The following MAP3K4 variants were observed in gnomAD, a reference collection of about 807,000 sequenced individuals.
MAP3K4 encodes mitogen-activated protein kinase kinase kinase 4.
MAP3K4 carries 67 observed loss-of-function variants against 185.6 expected under a neutral mutation model. The observed-to-expected ratio is 0.36, with a 90% CI of 0.30 to 0.44. The LOEUF is 0.44. Among genes scored for constraint, MAP3K4 ranks in the 20% least tolerant of loss-of-function variants. The pLI, the probability that MAP3K4 is intolerant of heterozygous loss-of-function variation, is 1.00. For synonymous variants in MAP3K4, 702 were observed against 710.4 expected, an observed-to-expected ratio of 0.99 and a Z score of 0.19; for missense variants, 1,551 against 1,995.1, an observed-to-expected ratio of 0.78 and a Z score of 4.24.
chr6:161,117,043 G>A lies in MAP3K4; in HGVS notation c.*173G>A. The A allele has an allele frequency of 1.5e-6, 1 of 649,004 alleles. No homozygotes were observed. Among genetic ancestry groups the A allele is most frequent in the Admixed American group, 2.9e-5 (1 of 34,998 alleles). The allele number at this position is 649,004 out of a possible 1,614,324, so 40.2% of individuals were successfully genotyped here. A position where few individuals can be genotyped will look rare whatever the true frequency, so the allele number is the denominator to read the frequency against. On this transcript the variant is annotated 3_prime_UTR_variant, in exon 27 of 27. Coordinates refer to ENST00000392142, the MANE Select transcript of MAP3K4 (RefSeq NM_005922.4). ...CTCCTGTTTGTCTGATGTGGCAAAA[G>A]GCCCTCTGGAGGGCTGGTGGCCACG...
rs1181614572 is a variant in MAP3K4 at position 161,022,049 on chromosome 6, G to A, written c.153-12210G>A. 1 of 152,142 alleles carries A rather than the reference G, an allele frequency of 6.6e-6. No individual in the cohort carries two copies. The highest frequency in any genetic ancestry group is 2.4e-5 in the African/African-American group (1 of 41,436). 9.4% of individuals were successfully genotyped at this position (152,142 alleles called of 1,614,324 possible). On this transcript the variant is annotated intron_variant, in intron 1 of 26. Coordinates refer to ENST00000392142, the MANE Select transcript of MAP3K4 (RefSeq NM_005922.4). This position sits in a 1 kb window ranked among gnomAD's most constrained non-coding sequence, Gnocchi z 4.2. ...TGAAAAAGAAAAAAGAAGAGTTGTT[G>A]TTAATTCAAAATTACCGTTCCCTAG...
intron 3 of MAP3K4, among the ~76,000 whole-genome samples, chr6:161,069,292 G>C (rs1784831416): frequency 6.6e-6 from 1 of 152,174 alleles, no homozygotes; most frequent in Non-Finnish European, 1.5e-5. Context: ...TCAGGGTTTA[G>C]AGTATTTTAG....
rs1359306916 is a variant in MAP3K4 at position 161,032,924 on chromosome 6, G to A, written c.153-1335G>A. ...TGTGTACTCTCATAAAGTATTTAGA[G>A]TGGTCTTTAAAATGCAGTTATTAAA... is the stretch of plus-strand genomic sequence containing the variant. On this transcript the variant is annotated intron_variant, in intron 1 of 26. Transcript: ENST00000392142. Among the ~76,000 whole-genome samples the A allele has an allele frequency of 2.6e-5, 4 of 152,184 alleles. No homozygotes were observed. In the East Asian group the frequency reaches 7.7e-4, roughly 29 times the overall value.
chr6:161,108,937 T>C lies in MAP3K4; in HGVS notation c.4236+78T>C. 2.5e-6 allele frequency: 4 copies of C among 1,603,794 alleles called. No individual in the cohort carries two copies. Among genetic ancestry groups the C allele is most frequent in the Non-Finnish European group, 3.4e-6 (4 of 1,170,954 alleles). On this transcript the variant is annotated intron_variant, in intron 22 of 26. Coordinates refer to ENST00000392142, the MANE Select transcript of MAP3K4 (RefSeq NM_005922.4). The surrounding 1 kb of genome is among the most constrained non-coding windows in gnomAD (Gnocchi z 5.7). ...ATGGAGTCCTGTTCTACATCACAGG[T>C]CTTCTCATTTCAGAGCACAGTAACT...
intron 23 of MAP3K4, 125 bp from the exon 24 acceptor site, chr6:161,111,711 T>A: frequency 2.1e-6 from 2 of 970,308 alleles, no homozygotes; most frequent in Non-Finnish European, 3.1e-6. Context: ...ACTTTGTAAG[T>A]CAAGTTTCAT....
chr6:161,079,941 A>T (rs2114838631), intron 5 of MAP3K4, among the ~76,000 whole-genome samples: 1 of 152,314 alleles, frequency 6.6e-6, no homozygotes, highest in East Asian at 1.9e-4. Context: ...TCTGAGATGT[A>T]GCCTGGTGAA....
chr6:161,085,018 G>A (rs927912906), intron 7 of MAP3K4, among the ~76,000 whole-genome samples: 1 of 152,010 alleles, frequency 6.6e-6, no homozygotes, highest in Non-Finnish European at 1.5e-5. Context: ...GTGGTGGCAC[G>A]CACCCGTGAT....
intron 5 of MAP3K4, among the ~76,000 whole-genome samples, chr6:161,078,270 G>A (rs1182543806): frequency 2.6e-5 from 4 of 152,346 alleles, no homozygotes; most frequent in Admixed American, 2.6e-4. Context: ...AGCTCCTTGA[G>A]TGTGGGCAGG....
Position 161,115,116 on chromosome 6 carries a change from T to TAAAA in MAP3K4, c.4627-7_4627-6insAAAA. 6.3e-7 allele frequency: 1 copy of TAAAA among 1,595,800 alleles called. No homozygotes were observed. Among genetic ancestry groups the TAAAA allele is most frequent in the Non-Finnish European group, 8.5e-7 (1 of 1,170,054 alleles). On this transcript the variant is annotated splice_region_variant and splice_polypyrimidine_tract_variant and intron_variant, in intron 25 of 26. Coordinates refer to ENST00000392142, the MANE Select transcript of MAP3K4 (RefSeq NM_005922.4). This position sits in a 1 kb window ranked among gnomAD's most constrained non-coding sequence, Gnocchi z 6.0. The stretch of plus-strand genomic sequence containing the variant: ...AAAATCTGATTTTTTAAAAACATCT[T>TAAAA]TTTTAGAGGCCTTGGCATGAGTATG...
At chr6:161,041,264 T>C (rs1783436737) in intron 2 of MAP3K4, among the ~76,000 whole-genome samples, 1 of 152,228 alleles carries the variant, frequency 6.6e-6, no homozygotes, top group Admixed American at 6.5e-5. Flanking sequence ...AATCCATGAA[T>C]GCTGACCACG....
chr6:161,087,659 C>A lies in MAP3K4; in HGVS notation c.2557-29C>A. The stretch of plus-strand genomic sequence containing the variant: ...CCTATTTCTCTAATGTACAGTGTTC[C>A]TTAAGATTTTGGATTATGTCTTTTG... On this transcript the variant is annotated intron_variant, in intron 9 of 26. Coordinates refer to ENST00000392142, the MANE Select transcript of MAP3K4 (RefSeq NM_005922.4). The surrounding 1 kb of genome is among the most constrained non-coding windows in gnomAD (Gnocchi z 4.9). 2 of 1,611,070 alleles carry A rather than the reference C, an allele frequency of 1.2e-6. No individual in the cohort carries two copies. Among genetic ancestry groups the A allele is most frequent in the Non-Finnish European group, 1.7e-6 (2 of 1,179,124 alleles).
At chr6:161,016,442 C>T (rs991801703) in intron 1 of MAP3K4, among the ~76,000 whole-genome samples, 6 of 152,174 alleles carry the variant, frequency 3.9e-5, no homozygotes, top group African/African-American at 1.4e-4. Context: ...GATCCTATAG[C>T]TTTACCCCAG....
At chr6:161,016,586 TA>T (rs1457517335) in intron 1 of MAP3K4, among the ~76,000 whole-genome samples, 6 of 152,236 alleles carry the variant, frequency 3.9e-5, no homozygotes, top group African/African-American at 1.4e-4. Flanking sequence ...CACCGTTTGT[TA>T]AAAAGACTGT....
At position 161,091,305 on chromosome 6, in the gene MAP3K4, A is replaced by C; in HGVS notation, c.2974-74A>C. ...TTAATGTCTGTGTGATGATGAACGA[A>C]ATCTTCCTTTAAAATGTGGTAAGTA... On this transcript the variant is annotated intron_variant, in intron 11 of 26. Coordinates refer to ENST00000392142, the MANE Select transcript of MAP3K4 (RefSeq NM_005922.4). This position sits in a 1 kb window ranked among gnomAD's most constrained non-coding sequence, Gnocchi z 5.5. 1 of 1,310,092 alleles carries C rather than the reference A, an allele frequency of 7.6e-7. No homozygotes were observed. The highest frequency in any genetic ancestry group is 1.5e-5 in the African/African-American group (1 of 67,134). 81.2% of individuals were successfully genotyped at this position (1,310,092 alleles called of 1,614,324 possible).
chr6:161,086,424 T>C lies in MAP3K4; in HGVS notation c.2418T>C (p.His806=), dbSNP rs1224400826. 6.2e-7 allele frequency: 1 copy of C among 1,614,180 alleles called. No homozygotes were observed. The highest frequency in any genetic ancestry group is 2.2e-5 in the East Asian group (1 of 44,874). ...EISRALKELF[H]EARERASKAL... ...GTCGAGCCCTGAAGGAGCTCTTCCA[T>C]GAAGCCAGAGAAAGGGCTTCCAAAG... The change falls in exon 8 of 27, where the codon CAT becomes CAC. Residue 806 remains histidine, a synonymous_variant. Coordinates refer to ENST00000392142, the MANE Select transcript of MAP3K4 (RefSeq NM_005922.4). This position sits in a 1 kb window ranked among gnomAD's most constrained non-coding sequence, Gnocchi z 4.8.
At chr6:161,083,817 T>C (rs1161680472) in intron 6 of MAP3K4, among the ~76,000 whole-genome samples, 2 of 152,220 alleles carry the variant, frequency 1.3e-5, no homozygotes, top group African/African-American at 2.4e-5. Flanking sequence ...ATGCCTTCAA[T>C]GGGTCTGAAA....
Position 161,076,472 on chromosome 6 carries a change from A to G in MAP3K4, c.2097+2860A>G, listed in dbSNP as rs1340800864. 6.6e-6 allele frequency among the ~76,000 whole-genome samples: 1 copy of G among 152,176 alleles called. No individual in the cohort carries two copies. Among genetic ancestry groups the G allele is most frequent in the Non-Finnish European group, 1.5e-5 (1 of 68,046 alleles). ...CTGTACTCGAAAAACTGAGACACTT[A>G]AGCATGTAGGTCAAAGGAAGTAACT... On this transcript the variant is annotated intron_variant, in intron 5 of 26. Coordinates refer to ENST00000392142, the MANE Select transcript of MAP3K4 (RefSeq NM_005922.4). The surrounding 1 kb of genome is among the most constrained non-coding windows in gnomAD (Gnocchi z 4.2).
At chr6:161,105,220 G>T (rs1684653243) in intron 19 of MAP3K4, among the ~76,000 whole-genome samples, 1 of 152,192 alleles carries the variant, frequency 6.6e-6, no homozygotes, top group Admixed American at 6.5e-5. Flanking sequence ...GTATTTCTTA[G>T]TATGAGTCAT....
intron 2 of MAP3K4, among the ~76,000 whole-genome samples, chr6:161,041,041 G>T (rs1783426045): frequency 6.6e-6 from 1 of 152,252 alleles, no homozygotes; most frequent in South Asian, 2.1e-4. Context: ...AGGAGAAGGT[G>T]AAGCAGCCAT....
Sources: allele counts gnomAD v4.1 joint callset (sites outside exome capture counted in the v4.1 genomes callset), GRCh38; gene constraint gnomAD v4.1.1; non-coding constraint Gnocchi (gnomAD v3.1); transcripts MANE v1.5; gene names NCBI Gene and HGNC (gene_info 2026-07-23, HGNC 2026-07-21).